PIH1D2: variants seen among roughly 807,000 people sequenced by gnomAD.
PIH1D2 encodes the protein PIH1 domain containing 2.
A neutral mutation model predicts 31.2 loss-of-function variants in PIH1D2; 25 were observed. The observed-to-expected ratio is 0.80, with a 90% confidence interval of 0.58 to 1.12. PIH1D2 has a LOEUF of 1.12. Ranked by LOEUF, PIH1D2 falls within the 50% of genes most tolerant of loss-of-function variation. The pLI is 0.00. For synonymous variants in PIH1D2, 116 were observed against 119.9 expected (o/e 0.97, Z 0.21); for missense variants, 310 against 356.6 (o/e 0.87, Z 1.05).
At chr11:112,058,158 CATTT>C in the PIH1D2 span, among the ~76,000 whole-genome samples, 15 of 152,184 alleles carry the variant, frequency 9.9e-5, no homozygotes, top group Non-Finnish European at 2.1e-4. Flanking sequence ...ACCCATTCAA[CATTT>C]ATTTAACATG....
the PIH1D2 span, among the ~76,000 whole-genome samples, chr11:112,054,597 T>C: frequency 2.6e-5 from 4 of 152,232 alleles, no homozygotes; most frequent in Non-Finnish European, 5.9e-5. Flanking sequence ...ACCTATTGGG[T>C]AAACTCTTTG....
chr11:112,061,971 A>G (rs1864658876), downstream of PIH1D2, among the ~76,000 whole-genome samples: 1 of 152,206 alleles, frequency 6.6e-6, no homozygotes, highest in African/African-American at 2.4e-5. Flanking sequence ...AAATTCTTCA[A>G]GGCAGCAACT....
chr11:112,057,551 T>C, the PIH1D2 span, among the ~76,000 whole-genome samples: 1 of 152,164 alleles, frequency 6.6e-6, no homozygotes, highest in Non-Finnish European at 1.5e-5. Context: ...TTTTGAGTGG[T>C]CTAGATAAAA....
chr11:112,055,367 C>T, the PIH1D2 span, among the ~76,000 whole-genome samples: 1 of 151,558 alleles, frequency 6.6e-6, no homozygotes, highest in Non-Finnish European at 1.5e-5. Context: ...CCTCAGCCTC[C>T]CGAGTAGCTG....
At chr11:112,060,451 C>T (rs587670594), downstream of PIH1D2, among the ~76,000 whole-genome samples, 43 of 151,668 alleles carry the variant, frequency 2.8e-4, 1 homozygote, top group South Asian at 6.7e-3. Flanking sequence ...TGAGCCACCA[C>T]GCCCAGCGTA....
chr11:112,059,195 G>GA (rs1241881542), downstream of PIH1D2, among the ~76,000 whole-genome samples: 1 of 152,038 alleles, frequency 6.6e-6, no homozygotes, highest in African/African-American at 2.4e-5. Flanking sequence ...TACTTGCAGA[G>GA]ACTCAACTGC....
chr11:112,059,800 G>A (rs1235111748), downstream of PIH1D2: 1 of 1,009,998 alleles, frequency 9.9e-7, no homozygotes, highest in African/African-American at 1.6e-5. Flanking sequence ...AACACACATT[G>A]GTTCAAAAAA....
At chr11:112,062,150 CAAAT>C (rs1422981232), downstream of PIH1D2, among the ~76,000 whole-genome samples, 1 of 152,050 alleles carries the variant, frequency 6.6e-6, no homozygotes, top group Non-Finnish European at 1.5e-5. Context: ...ATAAACAAGA[CAAAT>C]GAATTGCAGT....
chr11:112,065,991 C>CTT (rs1319981566), downstream of PIH1D2, among the ~76,000 whole-genome samples: 1 of 150,142 alleles, frequency 6.7e-6, no homozygotes, highest in East Asian at 1.9e-4. Flanking sequence ...GAGCGAGACT[C>CTT]TGTCAAAAAA....
At chr11:112,070,102 A>G in intron 5 of PIH1D2, 1 of 473,844 alleles carries the variant, frequency 2.1e-6, no homozygotes. Context: ...TTACCCTGCC[A>G]TATGACTTCC....
chr11:112,070,581 C>A lies in PIH1D2; in HGVS notation c.668G>T (p.Ser223Ile). Residue 223 changes from serine (S) to isoleucine (I), a missense_variant, in exon 5 of 6, where the codon AGT (serine) becomes ATT (isoleucine). By Grantham distance (142) the Ser-to-Ile change is moderately radical. Transcript: ENST00000280350. ...KAVCLIEEIS[S>I]TEIQVEMKMP... ...CTTCATCTCCACCTGGATTTCAGTACTGGAAATCTCTTCTATCAGACACAC... is the reference window on the plus strand; with the variant it reads ...CTTCATCTCCACCTGGATTTCAGTAATGGAAATCTCTTCTATCAGACACAC... 1 of 1,614,140 alleles carries A rather than the reference C, an allele frequency of 6.2e-7. No individual in the cohort carries two copies. Among genetic ancestry groups the A allele is most frequent in the Non-Finnish European group, 8.5e-7 (1 of 1,180,024 alleles).
intron 3 of PIH1D2, 146 bp from the exon 4 acceptor site, chr11:112,071,429 TA>T: frequency 7.8e-7 from 1 of 1,286,768 alleles, no homozygotes; most frequent in Non-Finnish European, 1.1e-6. Flanking sequence ...CTACAGCAAT[TA>T]TGACATTTCT....
At chr11:112,058,828 C>T (rs187147466), downstream of PIH1D2, among the ~76,000 whole-genome samples, 7 of 152,122 alleles carry the variant, frequency 4.6e-5, no homozygotes, top group African/African-American at 1.4e-4. Context: ...CATTATTAGA[C>T]CTGCAACAAG....
At position 112,071,120 on chromosome 11, in the gene PIH1D2, T is replaced by C; in HGVS notation, c.465A>G (p.Ile155Met). The C allele has an allele frequency of 6.2e-7, 1 of 1,613,928 alleles. No homozygotes were observed. Among genetic ancestry groups the C allele is most frequent in the East Asian group, 2.2e-5 (1 of 44,824 alleles). The change falls in exon 4 of 6, where the codon ATA (isoleucine) becomes ATG (methionine). Residue 155 changes from isoleucine (I) to methionine (M), a missense_variant. Transcript: ENST00000280350. Reference protein sequence around the residue: ...SHSYHITKFRIKGSIQRMKQN... With the variant: ...SHSYHITKFRMKGSIQRMKQN... ...GTTTCATTCTTTGAATGCTTCCTTT[T>C]ATTCTAAATTTGGTAATATGGTAAG...
chr11:112,058,564 C>T (rs941026202), downstream of PIH1D2, among the ~76,000 whole-genome samples: 9 of 119,744 alleles, frequency 7.5e-5, no homozygotes, highest in Admixed American at 2.6e-4. Flanking sequence ...AAGGAGACCA[C>T]GGATAAAATC....
At chr11:112,066,568 G>T (rs587644663), downstream of PIH1D2, among the ~76,000 whole-genome samples, 16 of 151,588 alleles carry the variant, frequency 1.1e-4, 1 homozygote, top group East Asian at 3.1e-3. Flanking sequence ...AACCCAGGAG[G>T]TGGAGGTTTC....
At chr11:112,059,789 TAAC>T (rs1555182981), downstream of PIH1D2, 3 of 830,226 alleles carry the variant, frequency 3.6e-6, no homozygotes, top group Non-Finnish European at 3.7e-6. Flanking sequence ...GGCTGAACAA[TAAC>T]ACACATTGGT....
In PIH1D2 at chr11:112,070,724, G is replaced by T. The variant is rs782769227; in HGVS notation, c.548-23C>A. On this transcript the variant is annotated intron_variant, in intron 4 of 5. Coordinates refer to ENST00000280350, the MANE Select transcript of PIH1D2 (RefSeq NM_138789.4). ...GTTCTTTATGAAAAAAAGGGTGGAG[G>T]GGAGATAAAAAATAAATCTACAACA... The T allele has an allele frequency of 7.5e-6, 12 of 1,600,348 alleles. 1 individual carries two copies. The Admixed American group carries it at 1.7e-4, about 23-fold the overall frequency.
rs993071278 is a variant in PIH1D2 at position 112,068,988 on chromosome 11, T to G, written c.814-983A>C. Among the ~76,000 whole-genome samples, 259 of 140,170 alleles carry G rather than the reference T, an allele frequency of 1.8e-3. 1 individual carries two copies. The highest frequency in any genetic ancestry group is 7.6e-3 in the African/African-American group (249 of 32,798). The allele number at this position is 140,170 out of a possible 152,430, so 92.0% of individuals were successfully genotyped here. On this transcript the variant is annotated intron_variant, in intron 5 of 5. Transcript: ENST00000280350. ...AAACCTCTGAATTTTTTTTGTTTTT[T>G]TTTTTTTTTGTTTTTTTTTTTTTGA...
Sources: gnomAD v4.1 joint callset for allele counts (sites outside exome capture counted in the v4.1 genomes callset) on GRCh38, gnomAD v4.1.1 for gene constraint, MANE v1.5 for transcripts, NCBI Gene and HGNC (gene_info 2026-07-23, HGNC 2026-07-21) for gene names.